The following USH2A variants were observed in gnomAD, a reference collection of about 807,000 sequenced individuals.
USH2A encodes Usher syndrome 2A (autosomal recessive, mild).
USH2A carries 443 observed loss-of-function variants against 538.9 expected under a neutral mutation model. That is an observed-to-expected ratio of 0.82 (90% CI 0.76 to 0.89). USH2A has a LOEUF of 0.89. Among genes scored for constraint, USH2A ranks in the 40% least tolerant of loss-of-function variants. The probability of loss-of-function intolerance (pLI) is 0.00; values close to 1 mark genes in which losing one functional copy is unlikely to be tolerated. For missense variants in USH2A, 6,633 were observed against 6,324.8 expected (o/e 1.05, Z -1.65); for synonymous variants, 2,413 against 2,273.5 (o/e 1.06, Z -1.75).
In USH2A at chr1:216,175,301, C is replaced by A. The variant is rs147560504; in HGVS notation, c.4578G>T (p.Gly1526=). Residue 1526 remains glycine, a synonymous_variant, in exon 21 of 72, where the codon GGG becomes GGT. Coordinates refer to ENST00000307340, the MANE Select transcript of USH2A (RefSeq NM_206933.4). ...GAGTGGAGCTGGGAAATTTACAATA[C>A]CCATTTCCTATGAAACGGATTCCTT... is the stretch of plus-strand genomic sequence containing the variant. ...MMKGIRFIGN[G]YCKFPSSTHP... 1.1e-4 allele frequency: 176 copies of A among 1,613,710 alleles called. No homozygotes were observed. The African/African-American group carries it at 2.2e-3, about 20-fold the overall frequency.
chr1:216,217,675 A>AT, intron 14 of USH2A, 125 bp from the exon 15 acceptor site: 1 of 1,110,542 alleles, frequency 9.0e-7, no homozygotes, highest in South Asian at 1.4e-5. Flanking sequence ...TATTGAAAAG[A>AT]ATGCTTGAGC....
Position 215,777,334 on chromosome 1 carries a change from G to T in USH2A, c.10939+2509C>A, listed in dbSNP as rs377242299. Among the ~76,000 whole-genome samples the T allele has an allele frequency of 6.6e-4, 100 of 152,272 alleles. 4 individuals carry two copies. In the South Asian group the frequency reaches 0.013, roughly 21 times the overall value. Reference sequence around the variant, plus strand: ...TATAATTAATGAGGCTATCAATCCTGTTGGTTTGAACATTACAATTGAATT... The same window carrying T: ...TATAATTAATGAGGCTATCAATCCTTTTGGTTTGAACATTACAATTGAATT... On this transcript the variant is annotated intron_variant, in intron 55 of 71. Transcript: ENST00000307340.
chr1:215,926,544 G>C (rs568969965), intron 38 of USH2A, among the ~76,000 whole-genome samples: 8 of 151,342 alleles, frequency 5.3e-5, no homozygotes, highest in African/African-American at 1.9e-4. Context: ...CTGCTCTGAG[G>C]GTGGATCATT....
At chr1:215,711,123 C>G (rs1659327564) in intron 61 of USH2A, among the ~76,000 whole-genome samples, 1 of 151,978 alleles carries the variant, frequency 6.6e-6, no homozygotes, top group South Asian at 2.1e-4. Flanking sequence ...TCTTTGAATG[C>G]CCGCAAAATG....
intron 47 of USH2A, among the ~76,000 whole-genome samples, chr1:215,823,213 T>TA (rs956277795): frequency 6.6e-5 from 10 of 152,100 alleles, no homozygotes; most frequent in African/African-American, 2.4e-4. Flanking sequence ...TAGTATTTCT[T>TA]ATAAGATGGG....
chr1:216,381,684 T>C (rs1244740501), intron 3 of USH2A, among the ~76,000 whole-genome samples: 2 of 152,222 alleles, frequency 1.3e-5, no homozygotes, highest in South Asian at 2.1e-4. Flanking sequence ...AGTAATGAAA[T>C]GCAGCGGTCT....
chr1:216,223,220 G>A (rs1485965458), intron 14 of USH2A, among the ~76,000 whole-genome samples: 1 of 151,978 alleles, frequency 6.6e-6, no homozygotes, highest in Admixed American at 6.6e-5. Context: ...CTGGTCTAGT[G>A]GAAAAGACAA....
chr1:216,181,372 G>A (rs1362036118), intron 20 of USH2A, among the ~76,000 whole-genome samples: 1 of 151,980 alleles, frequency 6.6e-6, no homozygotes, highest in Non-Finnish European at 1.5e-5. Context: ...GATCCCCTTT[G>A]CTCCTGGGAA....
intron 61 of USH2A, among the ~76,000 whole-genome samples, chr1:215,719,362 CAA>C (rs375176415): frequency 0.23 from 16,704 of 73,518 alleles, 405 homozygotes; most frequent in Middle Eastern, 0.25. Flanking sequence ...CCTCAGGAGA[CAA>C]AAAAAAAAAA....
intron 64 of USH2A, among the ~76,000 whole-genome samples, chr1:215,653,769 T>G (rs1558039156): frequency 6.6e-6 from 1 of 152,200 alleles, no homozygotes; most frequent in Non-Finnish European, 1.5e-5. Flanking sequence ...ATAAAAGTAT[T>G]GAAGTGTAGT....
intron 44 of USH2A, among the ~76,000 whole-genome samples, chr1:215,848,611 T>A (rs1663928616): frequency 6.6e-6 from 1 of 152,144 alleles, no homozygotes; most frequent in African/African-American, 2.4e-5. Context: ...GGTGATTCCG[T>A]TCCATTGTTT....
At chr1:216,342,474 A>G (rs1234424474) in intron 4 of USH2A, among the ~76,000 whole-genome samples, 1 of 152,154 alleles carries the variant, frequency 6.6e-6, no homozygotes, top group Admixed American at 6.5e-5. Context: ...TGACCCAGCA[A>G]TCCCATTAAT....
intron 44 of USH2A, among the ~76,000 whole-genome samples, chr1:215,850,074 G>A (rs1161890531): frequency 6.6e-6 from 1 of 152,068 alleles, no homozygotes; most frequent in Non-Finnish European, 1.5e-5. Context: ...GATTGGGAAA[G>A]TTTAAGAATT....
chr1:215,657,214 G>A (rs941311286), intron 64 of USH2A, among the ~76,000 whole-genome samples: 42 of 152,302 alleles, frequency 2.8e-4, no homozygotes, highest in African/African-American at 1.0e-3. Flanking sequence ...ATACAATCAA[G>A]GAGATCATAT....
chr1:215,779,792 C>T (rs1402406880), intron 55 of USH2A, 51 bp downstream of exon 55: 1 of 1,604,444 alleles, frequency 6.2e-7, no homozygotes, highest in Non-Finnish European at 8.5e-7. Context: ...GCCCCCCTAA[C>T]CACAATGACA....
At chr1:215,926,682 A>G (rs4076716) in intron 38 of USH2A, among the ~76,000 whole-genome samples, 19,843 of 135,056 alleles carry the variant, frequency 0.15, 1,484 homozygotes, top group Middle Eastern at 0.19. Context: ...CAATGGTACA[A>G]TCTTGGCTCT....
At chr1:215,907,597 T>G (rs936089104) in intron 38 of USH2A, among the ~76,000 whole-genome samples, 2 of 152,040 alleles carry the variant, frequency 1.3e-5, no homozygotes, top group Non-Finnish European at 2.9e-5. Flanking sequence ...TGCTGAAACT[T>G]CACTGAGCAT....
chr1:215,728,582 G>GACACACACACACACACAC (rs1311988583), intron 60 of USH2A, among the ~76,000 whole-genome samples, 198 bp from the exon 61 acceptor site: 3,253 of 148,528 alleles, frequency 0.022, 43 homozygotes, highest in Non-Finnish European at 0.026. Flanking sequence ...AAGTGTAGTT[G>GACACACACACACACACAC]ACACACACAC....
intron 22 of USH2A, 37 bp from the exon 23 acceptor site, chr1:216,089,176 T>C (rs375113821): frequency 2.5e-6 from 4 of 1,597,786 alleles, no homozygotes; most frequent in East Asian, 2.2e-5. Context: ...TGTTTATACA[T>C]GCATATCTAC....
Sources: allele counts gnomAD v4.1 joint callset (sites outside exome capture counted in the v4.1 genomes callset), GRCh38; gene constraint gnomAD v4.1.1; transcripts MANE v1.5; gene names NCBI Gene and HGNC (gene_info 2026-07-23, HGNC 2026-07-21).